Variants in LRIF1 observed in about 807,000 individuals in gnomAD.
LRIF1 encodes ligand dependent nuclear receptor interacting factor 1.
In LRIF1, 32 loss-of-function variants were observed where a neutral mutation model predicts 52.7. That is an observed-to-expected ratio of 0.61 (90% CI 0.46 to 0.82). LRIF1 has a LOEUF of 0.82. LRIF1 is among the 40% of genes least tolerant of loss of function. LRIF1 has a pLI of 0.00. For synonymous variants in LRIF1, 323 were observed against 317.4 expected (o/e 1.02, Z -0.19); for missense variants, 887 against 892.0 (o/e 0.99, Z 0.07).
At chr1:110,913,143 T>C in the LRIF1 span, among the ~76,000 whole-genome samples, 2 of 152,218 alleles carry the variant, frequency 1.3e-5, no homozygotes, top group African/African-American at 4.8e-5. Flanking sequence ...ACTGGACCTC[T>C]TTCTTTCACC....
At chr1:110,875,761 G>A in the LRIF1 span, among the ~76,000 whole-genome samples, 1 of 152,214 alleles carries the variant, frequency 6.6e-6, no homozygotes, top group Non-Finnish European at 1.5e-5. Flanking sequence ...TGGCTGCTGG[G>A]GCAGAGGAGG....
chr1:110,908,931 T>C, the LRIF1 span, among the ~76,000 whole-genome samples: 1 of 152,106 alleles, frequency 6.6e-6, no homozygotes, highest in Non-Finnish European at 1.5e-5. Context: ...CAAGCCACAT[T>C]GTCATCAGAT....
the LRIF1 span, among the ~76,000 whole-genome samples, chr1:110,929,180 A>G: frequency 6.6e-5 from 10 of 152,154 alleles, no homozygotes; most frequent in Admixed American, 3.3e-4. Flanking sequence ...GGGCATTTAG[A>G]TTGCTTCCAT....
At chr1:110,938,726 A>G in the LRIF1 span, 1 of 152,236 alleles carries the variant, frequency 6.6e-6, no homozygotes, top group African/African-American at 2.4e-5. Context: ...AGCCAAGAGA[A>G]AGAAATAAAG....
chr1:110,952,567 T>C lies in LRIF1; in HGVS notation c.317A>G (p.Tyr106Cys), dbSNP rs775748979. ...PIFQPASSSNYFLTRTVDTSE... is the reference protein window; with the variant it reads ...PIFQPASSSNCFLTRTVDTSE... ...TGTATCTACTGTTCTTGTAAGAAAA[T>C]AGTTTGAAGAACTGGCTGGCTGAAA... Residue 106 changes from tyrosine (Y) to cysteine (C), a missense_variant, in exon 2 of 4, where the codon TAT (tyrosine) becomes TGT (cysteine). Transcript: ENST00000369763. The C allele has an allele frequency of 8.1e-6, 13 of 1,613,820 alleles. No individual in the cohort carries two copies. Among genetic ancestry groups the C allele is most frequent in the African/African-American group, 1.3e-5 (1 of 74,926 alleles).
rs201411180 is a variant in LRIF1 at position 110,951,504 on chromosome 1, G to A, written c.1380C>T (p.Asn460=). Residue 460 remains asparagine (N), a synonymous_variant, in exon 2 of 4, where the codon AAC becomes AAT. Coordinates refer to ENST00000369763, the MANE Select transcript of LRIF1 (RefSeq NM_018372.4). ...PSPSTTNPHM[N]QSSNYLKQSK... ...TCTGTTTTAAGTAGTTACTGGATTG[G>A]TTCATATGTGGATTTGTGGTAGAAG... 2.5e-6 allele frequency: 4 copies of A among 1,614,086 alleles called. No homozygotes were observed. In the East Asian group the frequency reaches 6.7e-5, roughly 27 times the overall value.
chr1:110,879,096 T>C, the LRIF1 span, among the ~76,000 whole-genome samples: 2 of 152,116 alleles, frequency 1.3e-5, no homozygotes, highest in Non-Finnish European at 2.9e-5. Flanking sequence ...AAGCAAGGGA[T>C]TATTCTTGCC....
At chr1:110,952,968 T>C (rs891739380) in intron 1 of LRIF1, 153 bp from the exon 2 acceptor site, 4 of 336,898 alleles carry the variant, frequency 1.2e-5, no homozygotes, top group East Asian at 1.1e-4. Flanking sequence ...AAACAAATAT[T>C]TTGAAGTAGA....
Position 110,963,714 on chromosome 1 carries a change from C to G in LRIF1, c.-26G>C, listed in dbSNP as rs763470583. 1.3e-6 allele frequency: 2 copies of G among 1,576,948 alleles called. No homozygotes were observed. The highest frequency in any genetic ancestry group is 1.7e-6 in the Non-Finnish European group (2 of 1,151,372). On this transcript the variant is annotated 5_prime_UTR_variant, in exon 1 of 4. An upstream start codon of the reference 5' UTR is lost. Coordinates refer to ENST00000369763, the MANE Select transcript of LRIF1 (RefSeq NM_018372.4). Reference sequence around the variant, plus strand: ...TTTAGTGGGGAGAAAGGGGACACCTCATCCAGAAAAGTGGGAAGCGTGGGG... The same window carrying G: ...TTTAGTGGGGAGAAAGGGGACACCTGATCCAGAAAAGTGGGAAGCGTGGGG...
chr1:110,885,159 C>T, the LRIF1 span, among the ~76,000 whole-genome samples: 28 of 152,140 alleles, frequency 1.8e-4, no homozygotes, highest in African/African-American at 6.0e-4. Flanking sequence ...TCTCCCTTCC[C>T]AGTCTCTACA....
rs1275713097 is a variant in LRIF1, at chr1:110,963,620, C to T, written c.68+1G>A. On this transcript the variant is annotated splice_donor_variant, in intron 1 of 3. Transcript: ENST00000369763. LOFTEE classifies it high-confidence loss of function. ...GGGGAGGATTCGAAACCGGTACTTA[C>T]CAACGCGAGGCGTTGCCTGAATTTT... 6.2e-7 allele frequency: 1 copy of T among 1,608,634 alleles called. No homozygotes were observed. Among genetic ancestry groups the T allele is most frequent in the Non-Finnish European group, 8.5e-7 (1 of 1,175,880 alleles).
chr1:110,962,997 C>T (rs924951273), intron 1 of LRIF1, among the ~76,000 whole-genome samples: 3 of 152,092 alleles, frequency 2.0e-5, no homozygotes, highest in Non-Finnish European at 4.4e-5. Flanking sequence ...ATACTGGACT[C>T]TCCTCATGCC....
chr1:110,961,130 G>C (rs1658931402), intron 1 of LRIF1, among the ~76,000 whole-genome samples: 1 of 152,136 alleles, frequency 6.6e-6, no homozygotes, highest in Non-Finnish European at 1.5e-5. Context: ...TGATACTTAT[G>C]TTTCCCAACT....
chr1:110,892,532 C>T, the LRIF1 span: 24 of 1,612,390 alleles, frequency 1.5e-5, no homozygotes, highest in Middle Eastern at 3.4e-4. Flanking sequence ...CTGCTTATGT[C>T]GGTGAGTCCT....
At chr1:110,914,047 A>G in the LRIF1 span, among the ~76,000 whole-genome samples, 3 of 152,204 alleles carry the variant, frequency 2.0e-5, no homozygotes, top group Non-Finnish European at 4.4e-5. Context: ...AGGATAATGC[A>G]GAAACAGAAA....
At position 110,952,800 on chromosome 1, in the gene LRIF1, C is replaced by T. The variant is rs368886123; in HGVS notation, c.84G>A (p.Met28Ile). ...GNASRCVSGC[M>I]YQVVQTIGSD... Reference sequence around the variant, plus strand: ...AGCCAATCGTCTGAACTACTTGGTACATGCAGCCTGAAACACTTAAAAGAA... The same window carrying T: ...AGCCAATCGTCTGAACTACTTGGTATATGCAGCCTGAAACACTTAAAAGAA... Residue 28 changes from methionine (M) to isoleucine (I), a missense_variant, in exon 2 of 4, where the codon ATG becomes ATA. Physicochemically the swap from Met to Ile is conservative, Grantham distance 10. Coordinates refer to ENST00000369763, the MANE Select transcript of LRIF1 (RefSeq NM_018372.4). 2 of 1,595,916 alleles carry T rather than the reference C, an allele frequency of 1.3e-6. No homozygotes were observed. The highest frequency in any genetic ancestry group is 2.7e-5 in the African/African-American group (2 of 74,478).
chr1:110,898,758 A>C, the LRIF1 span, among the ~76,000 whole-genome samples: 1 of 152,178 alleles, frequency 6.6e-6, no homozygotes, highest in Non-Finnish European at 1.5e-5. Context: ...GGAAGCTCAG[A>C]GAAAATGATT....
chr1:110,923,438 G>A, the LRIF1 span, among the ~76,000 whole-genome samples: 1 of 152,040 alleles, frequency 6.6e-6, no homozygotes, highest in South Asian at 2.1e-4. Flanking sequence ...CCAAATAAAT[G>A]AACATTTACC....
the LRIF1 span, among the ~76,000 whole-genome samples, chr1:110,888,697 C>T: frequency 1.4e-4 from 22 of 152,086 alleles, no homozygotes; most frequent in Non-Finnish European, 2.8e-4. Context: ...TCAATATGTA[C>T]AAAATACTAT....
Sources: gnomAD v4.1 joint callset for allele counts (sites outside exome capture counted in the v4.1 genomes callset) on GRCh38, gnomAD v4.1.1 for gene constraint, MANE v1.5 for transcripts, NCBI Gene and HGNC (gene_info 2026-07-23, HGNC 2026-07-21) for gene names.